The following GLG1 variants were observed in gnomAD, a reference collection of about 807,000 sequenced individuals.
GLG1 encodes the protein Golgi apparatus protein 1.
Under a neutral mutation model 160.5 loss-of-function variants are expected in GLG1, and 38 were observed. The observed-to-expected ratio is 0.24, with a 90% confidence interval of 0.18 to 0.31. The LOEUF (loss-of-function observed/expected upper bound fraction) is 0.31, where lower values mean the gene tolerates loss of function less well. Among genes scored for constraint, GLG1 ranks in the 10% least tolerant of loss-of-function variants. GLG1 has a pLI of 1.00. For synonymous variants in GLG1, 644 were observed against 543.4 expected, an observed-to-expected ratio of 1.19 and a Z score of -2.57; for missense variants, 1,373 against 1,505.2, an observed-to-expected ratio of 0.91 and a Z score of 1.45.
At chr16:74,494,017 A>C (rs2016094285) in intron 6 of GLG1, among the ~76,000 whole-genome samples, 1 of 152,034 alleles carries the variant, frequency 6.6e-6, no homozygotes, top group Non-Finnish European at 1.5e-5. Context: ...TCTACTAAAA[A>C]TACAAAAATT....
intron 4 of GLG1, among the ~76,000 whole-genome samples, chr16:74,498,773 G>A (rs762996990): frequency 6.9e-6 from 1 of 144,636 alleles, no homozygotes; most frequent in East Asian, 2.2e-4. Context: ...GCTGAGGCGA[G>A]AGAATTGCTT....
At chr16:74,464,972 G>C (rs1254278550) in intron 19 of GLG1, among the ~76,000 whole-genome samples, 2 of 152,120 alleles carry the variant, frequency 1.3e-5, no homozygotes, top group Non-Finnish European at 2.9e-5. Flanking sequence ...CTGAATAGCT[G>C]GGACTACAGG....
intron 1 of GLG1, among the ~76,000 whole-genome samples, chr16:74,566,592 C>T (rs1394404600): frequency 6.6e-6 from 1 of 150,596 alleles, no homozygotes; most frequent in African/African-American, 2.5e-5. Context: ...TCTTCATTCT[C>T]TCGAAGAGTT....
intron 3 of GLG1, among the ~76,000 whole-genome samples, chr16:74,505,672 C>T (rs368833781): frequency 9.7e-4 from 147 of 152,162 alleles, no homozygotes; most frequent in Non-Finnish European, 1.7e-3. Context: ...CTGGGCAACA[C>T]GGTGAAAGCC....
rs746905927 is a variant in GLG1, at chr16:74,480,267, A to G, written c.1801T>C (p.Tyr601His). Residue 601 changes from tyrosine to histidine, a missense_variant, in exon 11 of 26, where the codon TAC (tyrosine) becomes CAC (histidine). Physicochemically the swap from Tyr to His is moderately conservative, Grantham distance 83 (BLOSUM62 2). Around this residue, in one of 4 missense-constraint regions of GLG1, gnomAD observed 386 missense variants for 388.5 expected, o/e 0.99. Transcript: ENST00000422840. ...AVFSCLYRHA[Y>H]RTEEQGRRLS... The stretch of plus-strand genomic sequence containing the variant: ...CTCCTTCCCTGTTCCTCAGTGCGGT[A>G]GGCGTGTCTGTATAAACAAGAGAAC... 6.2e-7 allele frequency: 1 copy of G among 1,611,922 alleles called. No homozygotes were observed. The highest frequency in any genetic ancestry group is 8.5e-7 in the Non-Finnish European group (1 of 1,178,056).
intron 22 of GLG1, chr16:74,461,764 C>T: frequency 5.3e-6 from 1 of 188,452 alleles, no homozygotes. Flanking sequence ...AGCCACCGTG[C>T]CCAGCTGAAA....
At chr16:74,525,486 G>A (rs972789970) in intron 2 of GLG1, among the ~76,000 whole-genome samples, 12 of 151,088 alleles carry the variant, frequency 7.9e-5, no homozygotes, top group Admixed American at 5.9e-4. Flanking sequence ...TAGAGATAGG[G>A]GGTCTCCGTA....
intron 1 of GLG1, among the ~76,000 whole-genome samples, chr16:74,586,092 G>A (rs1231602828): frequency 1.3e-5 from 2 of 151,204 alleles, no homozygotes; most frequent in Non-Finnish European, 2.9e-5. Flanking sequence ...AAGAACAGGT[G>A]GTAAACAGGG....
chr16:74,585,795 G>C (rs947507086), intron 1 of GLG1, among the ~76,000 whole-genome samples: 19 of 152,078 alleles, frequency 1.2e-4, no homozygotes, highest in African/African-American at 4.3e-4. Context: ...GGATGAGGTG[G>C]CTCATGCCTG....
intron 1 of GLG1, among the ~76,000 whole-genome samples, chr16:74,553,019 G>A (rs1465920866): frequency 6.6e-6 from 1 of 152,058 alleles, no homozygotes; most frequent in Non-Finnish European, 1.5e-5. Flanking sequence ...AGAAGTTTGA[G>A]ACCAGCCTGG....
intron 1 of GLG1, among the ~76,000 whole-genome samples, chr16:74,532,620 C>G (rs1436803341): frequency 1.3e-5 from 2 of 151,982 alleles, no homozygotes; most frequent in African/African-American, 2.4e-5. Context: ...ACCTCCCAGG[C>G]TCAGGTGATC....
intron 18 of GLG1, 114 bp from the exon 19 acceptor site, chr16:74,465,927 TCC>T: frequency 1.1e-6 from 1 of 882,674 alleles, no homozygotes; most frequent in Non-Finnish European, 1.8e-6. Context: ...CATTTCTCAT[TCC>T]CAGGCAATCG....
intron 1 of GLG1, among the ~76,000 whole-genome samples, chr16:74,582,552 G>A (rs919436467): frequency 1.3e-5 from 2 of 152,022 alleles, no homozygotes; most frequent in Admixed American, 1.3e-4. Context: ...CGGGCGTGGG[G>A]GCTCACGCCT....
intron 8 of GLG1, among the ~76,000 whole-genome samples, chr16:74,488,416 C>T: frequency 6.6e-6 from 1 of 151,884 alleles, no homozygotes; most frequent in Non-Finnish European, 1.5e-5. Context: ...AAATAAGCTC[C>T]CCCAAAATGA....
intron 4 of GLG1, among the ~76,000 whole-genome samples, chr16:74,498,132 C>A (rs2016264665): frequency 6.6e-6 from 1 of 151,666 alleles, no homozygotes; most frequent in Non-Finnish European, 1.5e-5. Flanking sequence ...ACCAAAGCAT[C>A]TTAAAATATA....
At position 74,452,560 on chromosome 16, in the gene GLG1, A is replaced by C. The variant is rs1464648445; in HGVS notation, c.*607T>G. The C allele has an allele frequency of 9.9e-6, 10 of 1,006,750 alleles. No individual in the cohort carries two copies. Among genetic ancestry groups the C allele is most frequent in the Middle Eastern group, 5.0e-4 (1 of 2,002 alleles). The allele number at this position is 1,006,750 out of a possible 1,614,324, so 62.4% of individuals were successfully genotyped here. On this transcript the variant is annotated 3_prime_UTR_variant, in exon 26 of 26. Transcript: ENST00000422840. ...GAAAGCGTCACTGTCTCAGCAGAAG[A>C]AAGCAGGACCCCACACAGCCTGGGG...
chr16:74,604,414 G>A (rs1475885711), intron 1 of GLG1, among the ~76,000 whole-genome samples: 3 of 152,142 alleles, frequency 2.0e-5, no homozygotes, highest in African/African-American at 7.2e-5. Context: ...GTACTTGAGC[G>A]TCCTTGGATT....
chr16:74,595,417 G>C (rs1192719404), intron 1 of GLG1, among the ~76,000 whole-genome samples: 1 of 151,610 alleles, frequency 6.6e-6, no homozygotes, highest in Non-Finnish European at 1.5e-5. Flanking sequence ...GGCGCCTGTA[G>C]TCCCAGCTAC....
At chr16:74,555,025 T>C (rs2143713170) in intron 1 of GLG1, among the ~76,000 whole-genome samples, 1 of 152,224 alleles carries the variant, frequency 6.6e-6, no homozygotes, top group South Asian at 2.1e-4. Flanking sequence ...CTAAAATAAA[T>C]AAATAATAAA....
Sources: allele counts gnomAD v4.1 joint callset (sites outside exome capture counted in the v4.1 genomes callset), GRCh38; gene constraint gnomAD v4.1.1; regional missense constraint gnomAD v4.1.1; transcripts MANE v1.5; gene names NCBI Gene and HGNC (gene_info 2026-07-23, HGNC 2026-07-21).